The following CDC37L1 variants were observed in gnomAD, a reference collection of about 807,000 sequenced individuals.
The protein encoded by CDC37L1 is cell division cycle 37 like 1, HSP90 cochaperone.
CDC37L1 carries 32 observed loss-of-function variants against 45.9 expected under a neutral mutation model. The ratio of observed to expected loss-of-function variants is 0.70; its 90% CI spans 0.53 to 0.94. CDC37L1 has a LOEUF of 0.94. Ranked by LOEUF, CDC37L1 falls within the 40% of genes least tolerant of loss-of-function variation. The pLI, the probability that CDC37L1 is intolerant of heterozygous loss-of-function variation, is 0.00. For synonymous variants in CDC37L1, 150 were observed against 133.0 expected (o/e 1.13, Z -0.88); for missense variants, 434 against 405.7 (o/e 1.07, Z -0.60).
At chr9:4,687,677 T>TAAA (rs1841260135) in intron 2 of CDC37L1, among the ~76,000 whole-genome samples, 2 of 37,818 alleles carry the variant, frequency 5.3e-5, no homozygotes, top group East Asian at 1.7e-3. Flanking sequence ...AGACCCCATC[T>TAAA]CAAAAAAAAA....
At chr9:4,685,953 A>G (rs1415892083) in intron 2 of CDC37L1, among the ~76,000 whole-genome samples, 1 of 152,244 alleles carries the variant, frequency 6.6e-6, no homozygotes, top group Non-Finnish European at 1.5e-5. Context: ...ACTTAAGTCC[A>G]GGAGTTCAAA....
At chr9:4,693,696 T>G (rs1327542388) in intron 3 of CDC37L1, among the ~76,000 whole-genome samples, 7 of 152,196 alleles carry the variant, frequency 4.6e-5, no homozygotes. Context: ...GTTTGGCTAG[T>G]TTAAATGACT....
At chr9:4,705,350 T>G (rs1026741318) in intron 6 of CDC37L1, among the ~76,000 whole-genome samples, 6 of 152,206 alleles carry the variant, frequency 3.9e-5, no homozygotes, top group Non-Finnish European at 1.5e-5. Flanking sequence ...ATAATGGTTT[T>G]ATTTTTGCAT....
rs1563775040 is a variant in CDC37L1, at chr9:4,708,219, TAA to T, written c.*2109_*2110del. ...TACCTTTTTTTTGTTTCTGAAGAAA[TAA>T]AGAGTATATTAAGCAAAGGGATAAT... is the stretch of plus-strand genomic sequence containing the variant. On this transcript the variant is annotated 3_prime_UTR_variant, in exon 7 of 7. Coordinates refer to ENST00000381854, the MANE Select transcript of CDC37L1 (RefSeq NM_017913.4). The T allele has an allele frequency of 6.6e-6, 1 of 152,138 alleles. No individual in the cohort carries two copies. Among genetic ancestry groups the T allele is most frequent in the Non-Finnish European group, 1.5e-5 (1 of 68,016 alleles). 9.4% of individuals were successfully genotyped at this position (152,138 alleles called of 1,614,324 possible).
rs1456063443 is a variant in CDC37L1 at position 4,679,820 on chromosome 9, G to A, written c.53G>A (p.Gly18Asp). ...CCCTGGAGCCTCCCTCGGGCCGAGG[G>A]TGAGGCTGAGGAAGAGAGTGACTTC... ...PGPWSLPRAE[G>D]EAEEESDFDV... is the part of the protein sequence containing the mutation. Residue 18 changes from glycine (G) to aspartate (D), a missense_variant, in exon 1 of 7, where the codon GGT becomes GAT. Gly to Asp is a moderately conservative substitution (Grantham distance 94, BLOSUM62 -1). Coordinates refer to ENST00000381854, the MANE Select transcript of CDC37L1 (RefSeq NM_017913.4). The A allele has an allele frequency of 1.2e-6, 2 of 1,613,882 alleles. No individual in the cohort carries two copies. Among genetic ancestry groups the A allele is most frequent in the South Asian group, 2.2e-5 (2 of 91,084 alleles).
At position 4,702,048 on chromosome 9, in the gene CDC37L1, A is replaced by G; in HGVS notation, c.912+20A>G. 1 of 1,281,448 alleles carries G rather than the reference A, an allele frequency of 7.8e-7. No individual in the cohort carries two copies. Among genetic ancestry groups the G allele is most frequent in the Non-Finnish European group, 1.0e-6 (1 of 972,462 alleles). 79.4% of individuals were successfully genotyped at this position (1,281,448 alleles called of 1,614,324 possible). On this transcript the variant is annotated intron_variant, in intron 6 of 6. Coordinates refer to ENST00000381854, the MANE Select transcript of CDC37L1 (RefSeq NM_017913.4). Reference sequence around the variant, plus strand: ...CCACAGGTAAGTTGGAAAAGTAAATATTTGTTTTATAAGCCTATTAATTCA... The same window carrying G: ...CCACAGGTAAGTTGGAAAAGTAAATGTTTGTTTTATAAGCCTATTAATTCA...
chr9:4,697,294 T>C (rs1009681663), intron 4 of CDC37L1, 83 bp downstream of exon 4: 27 of 716,064 alleles, frequency 3.8e-5, no homozygotes, highest in African/African-American at 3.1e-4. Context: ...TTTTGTTTTC[T>C]ACATTAAGTC....
intron 1 of CDC37L1, among the ~76,000 whole-genome samples, chr9:4,684,178 G>A (rs1841224576): frequency 6.6e-6 from 1 of 152,158 alleles, no homozygotes; most frequent in Non-Finnish European, 1.5e-5. Context: ...CAGGTACTTG[G>A]GAGGCTGAGG....
chr9:4,702,993 A>G (rs1488974806), intron 6 of CDC37L1: 13 of 1,292,792 alleles, frequency 1.0e-5, no homozygotes, highest in Non-Finnish European at 1.3e-5. Context: ...GATGCTAGTT[A>G]GGATTACAAG....
Position 4,702,065 on chromosome 9 carries a change from A to G in CDC37L1, c.912+37A>G, listed in dbSNP as rs755723246. 1.8e-5 allele frequency: 20 copies of G among 1,102,496 alleles called. No homozygotes were observed. The South Asian group carries it at 3.2e-4, about 18-fold the overall frequency. The allele number at this position is 1,102,496 out of a possible 1,614,324, so 68.3% of individuals were successfully genotyped here. ...AAGTAAATATTTGTTTTATAAGCCT[A>G]TTAATTCACATAATTTTTGTTATTT... On this transcript the variant is annotated intron_variant, in intron 6 of 6. Transcript: ENST00000381854.
intron 3 of CDC37L1, among the ~76,000 whole-genome samples, chr9:4,692,233 T>C (rs79387436): frequency 0.046 from 6,954 of 152,172 alleles, 238 homozygotes; most frequent in Admixed American, 0.075. Flanking sequence ...CACTCTTACA[T>C]ATGAAGTGAA....
chr9:4,681,301 GAAGT>G (rs939369055), intron 1 of CDC37L1, among the ~76,000 whole-genome samples: 1 of 152,192 alleles, frequency 6.6e-6, no homozygotes, highest in Non-Finnish European at 1.5e-5. Flanking sequence ...AGAGATTTTA[GAAGT>G]GAGTAAGCTT....
rs1379529961 is a variant in CDC37L1, at chr9:4,688,583, A to G, written c.485A>G (p.Tyr162Cys). The G allele has an allele frequency of 3.3e-6, 5 of 1,522,816 alleles. No homozygotes were observed. The highest frequency in any genetic ancestry group is 4.4e-6 in the Non-Finnish European group (5 of 1,127,542). The allele number at this position is 1,522,816 out of a possible 1,614,324, so 94.3% of individuals were successfully genotyped here. Residue 162 changes from tyrosine to cysteine, a missense_variant, in exon 3 of 7, where the codon TAT (tyrosine) becomes TGT (cysteine). Physicochemically the swap from Tyr to Cys is radical, Grantham distance 194. Coordinates refer to ENST00000381854, the MANE Select transcript of CDC37L1 (RefSeq NM_017913.4). Reference protein sequence around the residue: ...EDKSESFMQKYEQKIRHFGML... With the variant: ...EDKSESFMQKCEQKIRHFGML... ...AAATCAGAATCATTTATGCAAAAAT[A>G]TGAGCAAAAAATCAGACATTTTGGT...
chr9:4,690,112 C>T (rs183613316), intron 3 of CDC37L1, among the ~76,000 whole-genome samples: 104 of 152,254 alleles, frequency 6.8e-4, no homozygotes, highest in African/African-American at 2.4e-3. Context: ...TTTATAAAAC[C>T]TGCTTCTGGG....
chr9:4,688,724 CT>C, intron 3 of CDC37L1, 118 bp downstream of exon 3: 1 of 620,882 alleles, frequency 1.6e-6, no homozygotes, highest in Non-Finnish European at 2.7e-6. Flanking sequence ...AATTTTGTAG[CT>C]TCTGGCACAG....
intron 3 of CDC37L1, among the ~76,000 whole-genome samples, chr9:4,693,615 T>C (rs1841321511): frequency 6.6e-6 from 1 of 152,168 alleles, no homozygotes; most frequent in Non-Finnish European, 1.5e-5. Flanking sequence ...TAGGGAAATA[T>C]ATAGGTTAAA....
At chr9:4,702,222 G>C (rs1406816470) in intron 6 of CDC37L1, among the ~76,000 whole-genome samples, 194 bp downstream of exon 6, 1 of 151,932 alleles carries the variant, frequency 6.6e-6, no homozygotes, top group Non-Finnish European at 1.5e-5. Flanking sequence ...AGAGATACCA[G>C]ATTTCCTCTC....
At chr9:4,684,067 C>G (rs923458115) in intron 1 of CDC37L1, among the ~76,000 whole-genome samples, 1 of 149,322 alleles carries the variant, frequency 6.7e-6, no homozygotes, top group Admixed American at 6.7e-5. Context: ...GTGTAGATCA[C>G]GAGGTCAAGA....
At chr9:4,702,677 C>T (rs988083871) in intron 6 of CDC37L1, among the ~76,000 whole-genome samples, 2 of 151,286 alleles carry the variant, frequency 1.3e-5, no homozygotes, top group African/African-American at 2.4e-5. Context: ...GTCAGGAGAT[C>T]GAGACCATCC....
Sources: allele counts gnomAD v4.1 joint callset (sites outside exome capture counted in the v4.1 genomes callset), GRCh38; gene constraint gnomAD v4.1.1; transcripts MANE v1.5; gene names NCBI Gene and HGNC (gene_info 2026-07-23, HGNC 2026-07-21).